The following BTRC variants were observed in gnomAD, a reference collection of about 807,000 sequenced individuals.
The protein encoded by BTRC is beta-transducin repeat containing E3 ubiquitin protein ligase.
Under a neutral mutation model 85.5 loss-of-function variants are expected in BTRC, and 42 were observed. The observed-to-expected ratio is 0.49, with a 90% CI of 0.38 to 0.64. The LOEUF is 0.64. BTRC is among the 30% of genes least tolerant of loss of function. BTRC has a pLI of 0.00. For missense variants in BTRC, 594 were observed against 743.5 expected, an observed-to-expected ratio of 0.80 and a Z score of 2.34; for synonymous variants, 255 against 263.3, an observed-to-expected ratio of 0.97 and a Z score of 0.30.
chr10:101,405,310 T>C (rs1342106195), intron 1 of BTRC, among the ~76,000 whole-genome samples: 1 of 152,118 alleles, frequency 6.6e-6, no homozygotes, highest in Non-Finnish European at 1.5e-5. Flanking sequence ...ACTCCTCTGA[T>C]CAGAGAGGAA....
intron 1 of BTRC, among the ~76,000 whole-genome samples, chr10:101,396,768 T>G (rs1301409586): frequency 6.6e-6 from 1 of 151,926 alleles, no homozygotes; most frequent in African/African-American, 2.4e-5. Flanking sequence ...TTTTACATGA[T>G]GAAAGTCCCT....
intron 4 of BTRC, among the ~76,000 whole-genome samples, chr10:101,509,144 A>G (rs551360770): frequency 3.3e-5 from 5 of 150,572 alleles, no homozygotes; most frequent in Admixed American, 2.6e-4. Context: ...TGCTATCACC[A>G]TCTTCATCAC....
At chr10:101,379,893 A>G (rs1403486560) in intron 1 of BTRC, among the ~76,000 whole-genome samples, 1 of 152,202 alleles carries the variant, frequency 6.6e-6, no homozygotes, top group Non-Finnish European at 1.5e-5. Context: ...AAGCTATAAA[A>G]ATACAATAAA....
intron 4 of BTRC, among the ~76,000 whole-genome samples, chr10:101,507,247 A>G (rs1309914218): frequency 1.3e-4 from 20 of 152,192 alleles, no homozygotes; most frequent in Admixed American, 1.2e-3. Context: ...ACACGCAACC[A>G]GTAATAAGCT....
At position 101,556,474 on chromosome 10, in the gene BTRC, C is replaced by T. The variant is rs1013305877; in HGVS notation, c.*3351C>T. Reference sequence around the variant, plus strand: ...CCCTTTTGCCTTAGATGGCAACACCCTCCAGTCTGTAGCAGAGCAGTCCAA... The same window carrying T: ...CCCTTTTGCCTTAGATGGCAACACCTTCCAGTCTGTAGCAGAGCAGTCCAA... On this transcript the variant is annotated 3_prime_UTR_variant, in exon 15 of 15. Transcript: ENST00000370187. The T allele has an allele frequency of 6.6e-6, 1 of 152,238 alleles. No homozygotes were observed. The highest frequency in any genetic ancestry group is 2.4e-5 in the African/African-American group (1 of 41,454). The allele number at this position is 152,238 out of a possible 1,614,324, so 9.4% of individuals were successfully genotyped here.
intron 6 of BTRC, among the ~76,000 whole-genome samples, chr10:101,526,412 A>G (rs944996211): frequency 2.0e-5 from 3 of 152,246 alleles, no homozygotes; most frequent in Non-Finnish European, 4.4e-5. Context: ...TATTGTATTA[A>G]TACTGCTTTG....
chr10:101,367,777 G>T (rs1293585280), intron 1 of BTRC, among the ~76,000 whole-genome samples: 3 of 152,164 alleles, frequency 2.0e-5, no homozygotes, highest in Admixed American at 6.5e-5. Context: ...GTTGTGGGAG[G>T]TGTGGTGTGT....
chr10:101,427,219 G>A (rs982490422), intron 1 of BTRC, among the ~76,000 whole-genome samples: 9 of 145,854 alleles, frequency 6.2e-5, no homozygotes, highest in Non-Finnish European at 1.2e-4. Context: ...CCGGGTTCAA[G>A]CGATTCTCCT....
chr10:101,455,847 T>C (rs1401370500), intron 2 of BTRC, among the ~76,000 whole-genome samples: 1 of 152,112 alleles, frequency 6.6e-6, no homozygotes. Context: ...CTTTTTAGAA[T>C]GATGATTCTA....
intron 3 of BTRC, among the ~76,000 whole-genome samples, chr10:101,468,700 T>G (rs1387931627): frequency 6.6e-6 from 1 of 152,230 alleles, no homozygotes; most frequent in African/African-American, 2.4e-5. Context: ...TACTATATCT[T>G]GTTATGCTAT....
At position 101,554,011 on chromosome 10, in the gene BTRC, T is replaced by G. The variant is rs2062694291; in HGVS notation, c.*888T>G. 1 of 152,074 alleles carries G rather than the reference T, an allele frequency of 6.6e-6. No individual in the cohort carries two copies. Among genetic ancestry groups the G allele is most frequent in the Non-Finnish European group, 1.5e-5 (1 of 68,020 alleles). The allele number at this position is 152,074 out of a possible 1,614,324, so 9.4% of individuals were successfully genotyped here. On this transcript the variant is annotated 3_prime_UTR_variant, in exon 15 of 15. Coordinates refer to ENST00000370187, the MANE Select transcript of BTRC (RefSeq NM_033637.4). ...ACTCTCATCATATTTGCAACTCTTC[T>G]CTCTCTTTCTTCCCCACACCCAAGA...
intron 2 of BTRC, among the ~76,000 whole-genome samples, chr10:101,438,498 T>C: frequency 6.6e-6 from 1 of 150,936 alleles, no homozygotes; most frequent in Admixed American, 6.6e-5. Flanking sequence ...TTTTTATGTC[T>C]CACACATACA....
At chr10:101,431,991 T>C (rs1291373599) in intron 2 of BTRC, among the ~76,000 whole-genome samples, 1 of 152,228 alleles carries the variant, frequency 6.6e-6, no homozygotes, top group African/African-American at 2.4e-5. Flanking sequence ...TATTTCCTTA[T>C]CTGTAAATGG....
At chr10:101,551,149 A>G (rs2062643248) in intron 14 of BTRC, 1 of 328,586 alleles carries the variant, frequency 3.0e-6, no homozygotes, top group South Asian at 1.1e-4. Context: ...CTAGTTATCT[A>G]GTAGTACTGT....
chr10:101,462,704 A>G (rs985932256), intron 3 of BTRC, among the ~76,000 whole-genome samples: 1 of 150,564 alleles, frequency 6.6e-6, no homozygotes, highest in Non-Finnish European at 1.5e-5. Flanking sequence ...AAAATAGCTC[A>G]CCACTGTGCC....
At chr10:101,407,890 T>C (rs1332350493) in intron 1 of BTRC, among the ~76,000 whole-genome samples, 2 of 151,818 alleles carry the variant, frequency 1.3e-5, no homozygotes, top group Non-Finnish European at 2.9e-5. Context: ...GCCCAGCTAA[T>C]TTTTTGTATT....
chr10:101,518,253 A>G (rs2062051876), intron 4 of BTRC, among the ~76,000 whole-genome samples: 1 of 152,184 alleles, frequency 6.6e-6, no homozygotes, highest in South Asian at 2.1e-4. Flanking sequence ...TATGTCCCAT[A>G]TAGTTTTAAA....
chr10:101,444,110 T>C (rs151209219), intron 2 of BTRC, among the ~76,000 whole-genome samples: 1 of 152,340 alleles, frequency 6.6e-6, no homozygotes, highest in East Asian at 1.9e-4. Context: ...TATGTTCATA[T>C]CAGATATATC....
At chr10:101,414,794 TA>T (rs1250363302) in intron 1 of BTRC, 2 of 169,870 alleles carry the variant, frequency 1.2e-5, no homozygotes, top group East Asian at 1.8e-4. Flanking sequence ...ATATAATATA[TA>T]TTTTTTAAAT....
Sources: gnomAD v4.1 joint callset for allele counts (sites outside exome capture counted in the v4.1 genomes callset) on GRCh38, gnomAD v4.1.1 for gene constraint, MANE v1.5 for transcripts, NCBI Gene and HGNC (gene_info 2026-07-23, HGNC 2026-07-21) for gene names.